Variants in ANO4 observed in about 807,000 individuals in gnomAD.
ANO4 encodes the protein anoctamin 4, also known as anoctamin-4.
In ANO4, 69 loss-of-function variants were observed where a neutral mutation model predicts 141.9. The observed-to-expected ratio is 0.49, with a 90% CI of 0.40 to 0.59. ANO4 has a LOEUF of 0.59. Among genes scored for constraint, ANO4 ranks in the 20% least tolerant of loss-of-function variants. The probability of loss-of-function intolerance (pLI) is 0.00; values close to 1 mark genes in which losing one functional copy is unlikely to be tolerated. For missense variants in ANO4, 894 were observed against 1,162.2 expected (o/e 0.77, Z 3.36); for synonymous variants, 350 against 394.3 (o/e 0.89, Z 1.33).
At chr12:100,797,874 A>G (rs1441046310) in intron 1 of ANO4, among the ~76,000 whole-genome samples, 1 of 152,228 alleles carries the variant, frequency 6.6e-6, no homozygotes. Flanking sequence ...ATGTACAACA[A>G]TTAATGAAGA....
chr12:100,995,850 G>T (rs1378842770), intron 8 of ANO4, among the ~76,000 whole-genome samples: 1 of 152,212 alleles, frequency 6.6e-6, no homozygotes, highest in Non-Finnish European at 1.5e-5. Context: ...ATGTTTGTGA[G>T]ACCAAAGAGA....
At chr12:100,975,393 T>G (rs2044124843) in intron 7 of ANO4, among the ~76,000 whole-genome samples, 1 of 151,172 alleles carries the variant, frequency 6.6e-6, no homozygotes. Context: ...TTCCCTTCCC[T>G]TTCTTTTTCT....
intron 1 of ANO4, among the ~76,000 whole-genome samples, chr12:100,854,370 G>T (rs2038051562): frequency 6.6e-6 from 1 of 152,096 alleles, no homozygotes; most frequent in South Asian, 2.1e-4. Flanking sequence ...TGTGTTAGCT[G>T]TGGTATGTTT....
At position 100,806,524 on chromosome 12, in the gene ANO4, G is replaced by GTTTTTTTTT. The variant is rs763949654; in HGVS notation, c.-141+11525_-141+11533dup. Reference sequence around the variant, plus strand: ...TTTTAGGAGGTTTTTTTTTTGTTTCGTTTTTTTTTTTTTTTTTTTTTTTTT... The same window carrying GTTTTTTTTT: ...TTTTAGGAGGTTTTTTTTTTGTTTCGTTTTTTTTTTTTTTTTTTTTTTTTTTTTTTTTTT... On this transcript the variant is annotated intron_variant, in intron 1 of 27. Coordinates refer to ENST00000392977, the MANE Select transcript of ANO4 (RefSeq NM_001286615.2). Among the ~76,000 whole-genome samples the GTTTTTTTTT allele has an allele frequency of 1.5e-3, 87 of 59,870 alleles. 24 individuals carry two copies. The highest frequency in any genetic ancestry group is 8.3e-3 in the East Asian group (12 of 1,448). The allele number at this position is 59,870 out of a possible 152,430, so 39.3% of individuals were successfully genotyped here.
intron 3 of ANO4, among the ~76,000 whole-genome samples, chr12:100,764,925 T>G (rs1277142049): frequency 6.6e-6 from 1 of 152,220 alleles, no homozygotes; most frequent in Non-Finnish European, 1.5e-5. Context: ...GCAATATTCT[T>G]TTCTTGTAGT....
chr12:101,096,385 C>T, intron 18 of ANO4, 151 bp from the exon 19 acceptor site: 1 of 608,882 alleles, frequency 1.6e-6, no homozygotes, highest in South Asian at 1.9e-5. Flanking sequence ...GTGGTCTGTT[C>T]CACCACACGC....
chr12:101,006,169 T>C (rs2045863129), intron 8 of ANO4, among the ~76,000 whole-genome samples: 1 of 152,206 alleles, frequency 6.6e-6, no homozygotes, highest in Non-Finnish European at 1.5e-5. Context: ...TGTGATACTT[T>C]ACTTATGCAA....
At chr12:100,890,197 A>G (rs1156353713) in intron 1 of ANO4, among the ~76,000 whole-genome samples, 1 of 152,184 alleles carries the variant, frequency 6.6e-6, no homozygotes, top group Non-Finnish European at 1.5e-5. Flanking sequence ...CCCATTTTGT[A>G]AAAGAGGAAA....
intron 1 of ANO4, among the ~76,000 whole-genome samples, chr12:100,823,076 T>C (rs2135743433): frequency 6.6e-6 from 1 of 152,162 alleles, no homozygotes; most frequent in Middle Eastern, 3.4e-3. Flanking sequence ...AGATAATGAA[T>C]AACACCACAA....
At chr12:101,007,446 C>T (rs1338424953) in intron 8 of ANO4, among the ~76,000 whole-genome samples, 3 of 152,172 alleles carry the variant, frequency 2.0e-5, no homozygotes, top group Non-Finnish European at 2.9e-5. Context: ...AACCACACTG[C>T]ATGCAGTATC....
At chr12:100,771,977 A>G (rs1269053688) in intron 3 of ANO4, among the ~76,000 whole-genome samples, 3 of 152,196 alleles carry the variant, frequency 2.0e-5, no homozygotes, top group Non-Finnish European at 4.4e-5. Context: ...CACATGAAAA[A>G]TCACACATAG....
intron 8 of ANO4, among the ~76,000 whole-genome samples, chr12:101,003,812 A>G (rs2045755982): frequency 6.6e-6 from 1 of 152,166 alleles, no homozygotes; most frequent in Non-Finnish European, 1.5e-5. Flanking sequence ...GAAATGGTAA[A>G]TGTTTTGTTC....
intron 3 of ANO4, among the ~76,000 whole-genome samples, chr12:100,742,777 A>G (rs2031927653): frequency 6.6e-6 from 1 of 152,180 alleles, no homozygotes; most frequent in Non-Finnish European, 1.5e-5. Flanking sequence ...CTCTCATTTT[A>G]TTTAGCTGTG....
intron 2 of ANO4, among the ~76,000 whole-genome samples, chr12:100,735,658 G>A (rs1419680330): frequency 6.6e-6 from 1 of 152,088 alleles, no homozygotes; most frequent in South Asian, 2.1e-4. Flanking sequence ...GGAATTGCTG[G>A]CAGGACTAGT....
chr12:101,008,623 C>T (rs1189098411), intron 8 of ANO4, among the ~76,000 whole-genome samples: 4 of 151,938 alleles, frequency 2.6e-5, no homozygotes, highest in Non-Finnish European at 5.9e-5. Context: ...TCCTTTTTTG[C>T]GCTATTTTTG....
At chr12:100,733,860 G>A (rs1319567796) in intron 2 of ANO4, 14 of 693,194 alleles carry the variant, frequency 2.0e-5, no homozygotes, top group Non-Finnish European at 3.4e-5. Flanking sequence ...CACCATAGGT[G>A]AGCACTAGTG....
rs10652346 is a variant in ANO4, at chr12:100,770,781, ATTTTT to A, written c.358+30692_358+30696del. 1.9e-3 allele frequency among the ~76,000 whole-genome samples: 250 copies of A among 131,350 alleles called. 1 individual carries two copies. Among genetic ancestry groups the A allele is most frequent in the Middle Eastern group, 4.3e-3 (1 of 234 alleles). 86.2% of individuals were successfully genotyped at this position (131,350 alleles called of 152,430 possible). ...CAGAGTGGAAGAGGCCTTGGCTTGAATTTTTTTTTTTTTTTTTTTTGCATTACTTA... is the reference window on the plus strand; with the variant it reads ...CAGAGTGGAAGAGGCCTTGGCTTGAATTTTTTTTTTTTTTTGCATTACTTA... On this transcript the variant is annotated intron_variant, in intron 3 of 29. Transcript: ENST00000644049.
At chr12:101,006,171 C>G (rs1449446698) in intron 8 of ANO4, among the ~76,000 whole-genome samples, 4 of 152,184 alleles carry the variant, frequency 2.6e-5, no homozygotes, top group Non-Finnish European at 5.9e-5. Flanking sequence ...TGATACTTTA[C>G]TTATGCAACA....
intron 5 of ANO4, among the ~76,000 whole-genome samples, chr12:100,955,476 C>G (rs1032241985): frequency 1.3e-4 from 20 of 152,270 alleles, no homozygotes; most frequent in African/African-American, 4.8e-4. Flanking sequence ...CTTTTACGAC[C>G]TAGCCCTAGA....
Sources: allele counts gnomAD v4.1 joint callset (sites outside exome capture counted in the v4.1 genomes callset), GRCh38; gene constraint gnomAD v4.1.1; transcripts MANE v1.5; gene names NCBI Gene and HGNC (gene_info 2026-07-23, HGNC 2026-07-21).